The following LRRC4C variants were observed in gnomAD, a reference collection of about 807,000 sequenced individuals.
LRRC4C encodes the protein leucine-rich repeat-containing protein 4C.
LRRC4C carries 5 observed loss-of-function variants against 33.6 expected under a neutral mutation model. The ratio of observed to expected loss-of-function variants is 0.15; its 90% CI spans 0.08 to 0.31. The LOEUF (loss-of-function observed/expected upper bound fraction) is 0.31, where lower values mean the gene tolerates loss of function less well. Among genes scored for constraint, LRRC4C ranks in the 10% least tolerant of loss-of-function variants. The pLI, the probability that LRRC4C is intolerant of heterozygous loss-of-function variation, is 1.00. For missense variants in LRRC4C, 560 were observed against 796.7 expected, an observed-to-expected ratio of 0.70 and a Z score of 3.58; for synonymous variants, 329 against 302.0, an observed-to-expected ratio of 1.09 and a Z score of -0.93.
chr11:40,855,786 C>T (rs944562368), intron 2 of LRRC4C, among the ~76,000 whole-genome samples: 10 of 151,006 alleles, frequency 6.6e-5, no homozygotes, highest in Non-Finnish European at 1.5e-4. Context: ...CTTTAAATGT[C>T]TTTTTTTTTA....
At chr11:40,902,754 T>G (rs1956261762) in intron 2 of LRRC4C, among the ~76,000 whole-genome samples, 1 of 152,174 alleles carries the variant, frequency 6.6e-6, no homozygotes, top group Admixed American at 6.5e-5. Context: ...CCTTTAAGTA[T>G]AGCCTAACCC....
rs929478005 is a variant in LRRC4C at position 41,198,962 on chromosome 11, C to T, written c.-496+260469G>A. On this transcript the variant is annotated intron_variant, in intron 1 of 6. Coordinates refer to ENST00000528697, the MANE Select transcript of LRRC4C (RefSeq NM_001258419.2). ...CACATAAGAAAATCTGTTCTAAAAG[C>T]GAAAGGTACTAGTTGCCTTCGTTTA... Among the ~76,000 whole-genome samples the T allele has an allele frequency of 5.9e-5, 9 of 151,962 alleles. No homozygotes were observed. The South Asian group carries it at 1.2e-3, about 21-fold the overall frequency.
chr11:40,418,877 A>C (rs1390974470), intron 3 of LRRC4C, among the ~76,000 whole-genome samples: 1 of 152,196 alleles, frequency 6.6e-6, no homozygotes, highest in Non-Finnish European at 1.5e-5. Context: ...CAGGAACAGA[A>C]AACCAAACAC....
intron 2 of LRRC4C, among the ~76,000 whole-genome samples, chr11:40,727,608 C>A (rs1367486813): frequency 1.3e-5 from 2 of 152,054 alleles, no homozygotes; most frequent in Non-Finnish European, 2.9e-5. Flanking sequence ...ATCAACAGAG[C>A]AAACCGACAG....
chr11:41,202,940 C>A (rs1380259554), intron 1 of LRRC4C, among the ~76,000 whole-genome samples: 1 of 152,134 alleles, frequency 6.6e-6, no homozygotes. Context: ...CATGTGCCAC[C>A]ATATCCAGCT....
At chr11:40,446,538 G>A (rs1164651887) in intron 3 of LRRC4C, 2 of 152,104 alleles carry the variant, frequency 1.3e-5, no homozygotes, top group Admixed American at 6.6e-5. Context: ...TCTTAATTAG[G>A]TCATCAACTG....
intron 1 of LRRC4C, among the ~76,000 whole-genome samples, chr11:41,174,778 TG>T (rs1945124158): frequency 6.6e-6 from 1 of 152,078 alleles, no homozygotes; most frequent in African/African-American, 2.4e-5. Flanking sequence ...AGCCCTAATT[TG>T]TTTTTTTTAA....
At position 41,141,998 on chromosome 11, in the gene LRRC4C, A is replaced by G. The variant is rs557362816; in HGVS notation, c.-495-208275T>C. Reference sequence around the variant, plus strand: ...ACAGTTAAAAAAAAAAGACTCACAAAAGATAAAAGTATTCAATCACAAATT... The same window carrying G: ...ACAGTTAAAAAAAAAAGACTCACAAGAGATAAAAGTATTCAATCACAAATT... On this transcript the variant is annotated intron_variant, in intron 1 of 6. Coordinates refer to ENST00000528697, the MANE Select transcript of LRRC4C (RefSeq NM_001258419.2). Among the ~76,000 whole-genome samples the G allele has an allele frequency of 7.2e-5, 11 of 152,278 alleles. No homozygotes were observed. In the South Asian group the frequency reaches 1.9e-3, roughly 26 times the overall value.
chr11:40,505,334 T>C (rs1954980689), intron 3 of LRRC4C, among the ~76,000 whole-genome samples: 2 of 152,214 alleles, frequency 1.3e-5, no homozygotes, highest in Admixed American at 6.5e-5. Context: ...CTTGAGTAGA[T>C]GCAACTATAT....
intron 1 of LRRC4C, among the ~76,000 whole-genome samples, chr11:41,194,789 A>G (rs1344259877): frequency 6.6e-6 from 1 of 152,156 alleles, no homozygotes; most frequent in Non-Finnish European, 1.5e-5. Flanking sequence ...TAACCCACAG[A>G]AACTATAATA....
At chr11:41,005,341 T>C (rs1477255453) in intron 1 of LRRC4C, among the ~76,000 whole-genome samples, 1 of 152,118 alleles carries the variant, frequency 6.6e-6, no homozygotes. Flanking sequence ...TGATGGCTCA[T>C]GCCTATAATC....
intron 4 of LRRC4C, among the ~76,000 whole-genome samples, chr11:40,313,773 A>AC (rs1945440276): frequency 6.7e-6 from 1 of 148,472 alleles, no homozygotes; most frequent in South Asian, 2.1e-4. Flanking sequence ...ATGCCTGGCT[A>AC]TTTTTTTTTA....
intron 1 of LRRC4C, among the ~76,000 whole-genome samples, chr11:41,378,512 C>T (rs1953024326): frequency 6.6e-6 from 1 of 152,084 alleles, no homozygotes; most frequent in South Asian, 2.1e-4. Flanking sequence ...TAATTCATCT[C>T]TTAAGACAAT....
chr11:40,408,048 T>C (rs1227571137), intron 3 of LRRC4C, among the ~76,000 whole-genome samples: 1 of 152,016 alleles, frequency 6.6e-6, no homozygotes, highest in African/African-American at 2.4e-5. Flanking sequence ...TTTCTCAAGA[T>C]CTCATTTCTT....
intron 1 of LRRC4C, among the ~76,000 whole-genome samples, chr11:41,404,642 T>A (rs1954161895): frequency 6.6e-6 from 1 of 151,280 alleles, no homozygotes. Flanking sequence ...ATCACCAGAG[T>A]GACAAGGGTA....
At chr11:40,977,774 C>T (rs1852191761) in intron 1 of LRRC4C, among the ~76,000 whole-genome samples, 1 of 152,170 alleles carries the variant, frequency 6.6e-6, no homozygotes, top group African/African-American at 2.4e-5. Flanking sequence ...ACTCCCTCCA[C>T]AAAAACTTCT....
chr11:40,396,592 A>T (rs1262569392), intron 3 of LRRC4C, among the ~76,000 whole-genome samples: 1 of 152,130 alleles, frequency 6.6e-6, no homozygotes, highest in African/African-American at 2.4e-5. Flanking sequence ...AATATTAGAG[A>T]ACATGTAGAA....
intron 1 of LRRC4C, among the ~76,000 whole-genome samples, chr11:41,239,515 C>T (rs1948165645): frequency 6.6e-6 from 1 of 152,040 alleles, no homozygotes. Context: ...TTTGAACTGG[C>T]TATTCCCTGT....
At chr11:41,379,039 G>C (rs1333578434) in intron 1 of LRRC4C, among the ~76,000 whole-genome samples, 7 of 147,634 alleles carry the variant, frequency 4.7e-5, no homozygotes, top group Non-Finnish European at 1.0e-4. Context: ...CCACCCTTTT[G>C]GACACACAGA....
Sources: gnomAD v4.1 joint callset for allele counts (sites outside exome capture counted in the v4.1 genomes callset) on GRCh38, gnomAD v4.1.1 for gene constraint, MANE v1.5 for transcripts, NCBI Gene and HGNC (gene_info 2026-07-23, HGNC 2026-07-21) for gene names.